SDK1: variants seen among roughly 807,000 people sequenced by gnomAD.
SDK1 encodes the protein protein sidekick-1.
In SDK1, 157 loss-of-function variants were observed where a neutral mutation model predicts 245.5. The ratio of observed to expected loss-of-function variants is 0.64; its 90% CI spans 0.56 to 0.73. The LOEUF (loss-of-function observed/expected upper bound fraction) is 0.73, where lower values mean the gene tolerates loss of function less well. Ranked by LOEUF, SDK1 falls within the 30% of genes least tolerant of loss-of-function variation. The pLI, the probability that SDK1 is intolerant of heterozygous loss-of-function variation, is 0.00. For missense variants in SDK1, 3,583 were observed against 3,002.3 expected (o/e 1.19, Z -4.52); for synonymous variants, 1,647 against 1,278.5 (o/e 1.29, Z -6.15).
chr7:3,384,693 A>G (rs1027048459), intron 1 of SDK1, among the ~76,000 whole-genome samples: 4 of 152,242 alleles, frequency 2.6e-5, no homozygotes, highest in Non-Finnish European at 5.9e-5. Flanking sequence ...AATTTCCAGC[A>G]TTCAAATGCA....
At chr7:4,000,047 G>C (rs972307686) in intron 14 of SDK1, among the ~76,000 whole-genome samples, 6 of 152,208 alleles carry the variant, frequency 3.9e-5, no homozygotes, top group Non-Finnish European at 7.3e-5. Flanking sequence ...GAGGCTCAGA[G>C]AGTGAAGGAA....
At chr7:3,724,851 C>T (rs972998032) in intron 4 of SDK1, among the ~76,000 whole-genome samples, 1 of 152,142 alleles carries the variant, frequency 6.6e-6, no homozygotes, top group Non-Finnish European at 1.5e-5. Context: ...TTCCACCACC[C>T]TTCCACCGAA....
chr7:4,005,206 T>C (rs1331335052), intron 14 of SDK1, among the ~76,000 whole-genome samples: 1 of 151,620 alleles, frequency 6.6e-6, no homozygotes, highest in Non-Finnish European at 1.5e-5. Flanking sequence ...ACACCACGCC[T>C]GGCTAATTTT....
rs1023274888 is a variant in SDK1, at chr7:4,265,270, C to T, written c.6528C>T (p.Ser2176=). Residue 2176 remains serine (S), a synonymous_variant, in exon 45 of 45, where the codon TCC becomes TCT. Transcript: ENST00000404826. ...ACAGGTACGAGGCGGTGGCGGGCTC[C>T]GAGGCGGGCGCGCAGCTGCACCCGG... is the stretch of plus-strand genomic sequence containing the variant. ...APHRYEAVAG[S]EAGAQLHPVI... The T allele has an allele frequency of 1.9e-6, 3 of 1,593,396 alleles. No homozygotes were observed. Among genetic ancestry groups the T allele is most frequent in the East Asian group, 4.5e-5 (2 of 44,434 alleles).
At chr7:3,929,875 C>T (rs1779912075) in intron 5 of SDK1, among the ~76,000 whole-genome samples, 1 of 152,154 alleles carries the variant, frequency 6.6e-6, no homozygotes, top group South Asian at 2.1e-4. Flanking sequence ...GTTCATGGTG[C>T]CAGCATTGCT....
At chr7:3,985,772 T>G (rs996295499) in intron 13 of SDK1, among the ~76,000 whole-genome samples, 1 of 152,230 alleles carries the variant, frequency 6.6e-6, no homozygotes, top group Admixed American at 6.5e-5. Context: ...TTAGAAATAT[T>G]AGTATGCTTA....
At chr7:3,445,268 A>C (rs1251389756) in intron 1 of SDK1, among the ~76,000 whole-genome samples, 1 of 152,168 alleles carries the variant, frequency 6.6e-6, no homozygotes, top group Non-Finnish European at 1.5e-5. Context: ...TTTGGGTATA[A>C]TCTTAGATAC....
At chr7:3,752,241 T>A (rs1481868756) in intron 4 of SDK1, among the ~76,000 whole-genome samples, 2 of 152,206 alleles carry the variant, frequency 1.3e-5, no homozygotes, top group Non-Finnish European at 2.9e-5. Context: ...TGTAATGAAT[T>A]TATTGGATCA....
chr7:3,977,369 G>A (rs200779950), intron 13 of SDK1, among the ~76,000 whole-genome samples: 39 of 116,672 alleles, frequency 3.3e-4, no homozygotes, highest in African/African-American at 5.4e-4. Flanking sequence ...GGCTGAGGCT[G>A]CCACACAGAC....
chr7:3,507,744 C>T (rs1396364067), intron 1 of SDK1, among the ~76,000 whole-genome samples: 2 of 152,082 alleles, frequency 1.3e-5, no homozygotes, highest in African/African-American at 4.8e-5. Context: ...CAAATTTTTC[C>T]TTCAGTGCGG....
At chr7:3,539,014 C>G (rs934769012) in intron 1 of SDK1, among the ~76,000 whole-genome samples, 1 of 152,192 alleles carries the variant, frequency 6.6e-6, no homozygotes, top group African/African-American at 2.4e-5. Context: ...ACTAGTGTGG[C>G]TCAGTTCATA....
chr7:3,357,766 C>A (rs1780845029), intron 1 of SDK1, among the ~76,000 whole-genome samples: 1 of 152,048 alleles, frequency 6.6e-6, no homozygotes, highest in Admixed American at 6.6e-5. Context: ...AAACAAAGTC[C>A]CCAGTGACAG....
chr7:4,265,186 C>T lies in SDK1; in HGVS notation c.6444C>T (p.Ser2148=), dbSNP rs368686691. ...ACTCCTTCGTGAACCACTACATGAG[C>T]GACCCCACCTACTACAACTCATGGA... ...PKHSFVNHYM[S]DPTYYNSWKR... The change falls in exon 45 of 45, where the codon AGC becomes AGT. Residue 2148 remains serine (S), a synonymous_variant. Transcript: ENST00000404826. 3.1e-6 allele frequency: 5 copies of T among 1,612,168 alleles called. No individual in the cohort carries two copies. In the African/African-American group the frequency reaches 5.3e-5, roughly 17 times the overall value.
At chr7:3,439,381 C>T (rs542511557) in intron 1 of SDK1, among the ~76,000 whole-genome samples, 1 of 152,316 alleles carries the variant, frequency 6.6e-6, no homozygotes, top group East Asian at 1.9e-4. Context: ...GCAGCTGTTC[C>T]TCTAGAGACT....
chr7:4,018,085 C>T (rs986373724), intron 17 of SDK1, among the ~76,000 whole-genome samples: 1 of 152,348 alleles, frequency 6.6e-6, no homozygotes, highest in Non-Finnish European at 1.5e-5. Flanking sequence ...TAAACAGACC[C>T]TCTCCCAACA....
intron 5 of SDK1, among the ~76,000 whole-genome samples, chr7:3,901,863 G>A (rs1037854302): frequency 6.6e-6 from 1 of 152,016 alleles, no homozygotes; most frequent in African/African-American, 2.4e-5. Context: ...CTTGTTCTTT[G>A]TGTTAATTGA....
At chr7:3,454,688 T>G (rs1780620698) in intron 1 of SDK1, among the ~76,000 whole-genome samples, 1 of 152,216 alleles carries the variant, frequency 6.6e-6, no homozygotes, top group Non-Finnish European at 1.5e-5. Context: ...AGTTAATTCA[T>G]TTTTATTGCT....
chr7:3,559,444 T>A (rs1446819150), intron 1 of SDK1, among the ~76,000 whole-genome samples: 1 of 152,206 alleles, frequency 6.6e-6, no homozygotes, highest in Non-Finnish European at 1.5e-5. Flanking sequence ...ATGTTTCTTT[T>A]GCCAGAAAAT....
intron 1 of SDK1, among the ~76,000 whole-genome samples, chr7:3,584,250 A>C (rs1186195582): frequency 6.6e-6 from 1 of 152,136 alleles, no homozygotes; most frequent in Admixed American, 6.5e-5. Context: ...TGTCATCTCC[A>C]AACGTATTTG....
Sources: allele counts gnomAD v4.1 joint callset (sites outside exome capture counted in the v4.1 genomes callset), GRCh38; gene constraint gnomAD v4.1.1; transcripts MANE v1.5; gene names NCBI Gene and HGNC (gene_info 2026-07-23, HGNC 2026-07-21).